The following ZNF521 variants were observed in gnomAD, a reference collection of about 807,000 sequenced individuals.
ZNF521 encodes the protein LYST-interacting protein 3.
In ZNF521, 14 loss-of-function variants were observed where a neutral mutation model predicts 105.5. The observed-to-expected ratio is 0.13, with a 90% CI of 0.09 to 0.21. The LOEUF (loss-of-function observed/expected upper bound fraction) is 0.21. ZNF521 is among the 10% of genes least tolerant of loss of function. The probability of loss-of-function intolerance (pLI) is 1.00; values close to 1 mark genes in which losing one functional copy is unlikely to be tolerated. For missense variants in ZNF521, 1,233 were observed against 1,629.7 expected (o/e 0.76, Z 4.19); for synonymous variants, 635 against 606.0 (o/e 1.05, Z -0.70).
At chr18:25,188,573 A>T (rs1354943984) in intron 5 of ZNF521, among the ~76,000 whole-genome samples, 2 of 152,200 alleles carry the variant, frequency 1.3e-5, no homozygotes, top group Admixed American at 1.3e-4. Context: ...TGCAAGCTTC[A>T]TTCAGAAACA....
chr18:25,147,019 G>A (rs1032707120), intron 5 of ZNF521, among the ~76,000 whole-genome samples: 5 of 152,010 alleles, frequency 3.3e-5, no homozygotes, highest in Non-Finnish European at 2.9e-5. Flanking sequence ...CACGACCACA[G>A]GGTTTTCTGC....
chr18:25,295,615 T>TA (rs201437743), intron 3 of ZNF521, among the ~76,000 whole-genome samples: 59,842 of 139,990 alleles, frequency 0.43, 12,265 homozygotes, highest in South Asian at 0.57. Flanking sequence ...CCCAAAAAAG[T>TA]AAAAAAAAAA....
At chr18:25,145,717 T>C (rs1211986746) in intron 5 of ZNF521, among the ~76,000 whole-genome samples, 2 of 152,190 alleles carry the variant, frequency 1.3e-5, no homozygotes, top group Admixed American at 1.3e-4. Context: ...CAAGACTAAA[T>C]ACTTTCTTAC....
chr18:25,351,132 C>A (rs1417072334), intron 1 of ZNF521, 185 bp from the exon 2 acceptor site: 3 of 175,722 alleles, frequency 1.7e-5, no homozygotes, highest in South Asian at 3.3e-4. Flanking sequence ...CGCGGCTGCC[C>A]GAGCTCCGCG....
intron 5 of ZNF521, among the ~76,000 whole-genome samples, chr18:25,164,256 G>A (rs2035299159): frequency 6.6e-6 from 1 of 152,140 alleles, no homozygotes; most frequent in Non-Finnish European, 1.5e-5. Flanking sequence ...CCCCGGAGTG[G>A]GTTAACTTGC....
intron 2 of ZNF521, among the ~76,000 whole-genome samples, chr18:25,330,019 C>A (rs960204071): frequency 6.6e-6 from 1 of 152,022 alleles, no homozygotes. Flanking sequence ...CTTGGTGGAG[C>A]CATTCCTAGA....
At chr18:25,165,418 C>T (rs772302863) in intron 5 of ZNF521, among the ~76,000 whole-genome samples, 16 of 152,324 alleles carry the variant, frequency 1.1e-4, no homozygotes, top group South Asian at 4.1e-4. Context: ...ACACTGTTTG[C>T]GCTGTTGGAA....
At chr18:25,256,130 G>T (rs1280991465) in intron 3 of ZNF521, among the ~76,000 whole-genome samples, 1 of 151,354 alleles carries the variant, frequency 6.6e-6, no homozygotes, top group Non-Finnish European at 1.5e-5. Flanking sequence ...AACCTTGCAG[G>T]CATTAAGCTA....
intron 6 of ZNF521, among the ~76,000 whole-genome samples, chr18:25,090,318 A>C (rs2033716248): frequency 6.6e-6 from 1 of 152,150 alleles, no homozygotes; most frequent in Admixed American, 6.5e-5. Flanking sequence ...CTACAATATT[A>C]ATCTGTATAG....
At chr18:25,319,574 C>A (rs1447517758) in intron 3 of ZNF521, among the ~76,000 whole-genome samples, 1 of 143,884 alleles carries the variant, frequency 7.0e-6, no homozygotes, top group African/African-American at 2.6e-5. Context: ...CCAGCCTGGG[C>A]AACAGAGCAA....
intron 3 of ZNF521, among the ~76,000 whole-genome samples, chr18:25,320,239 C>A (rs1451076092): frequency 6.6e-6 from 1 of 152,122 alleles, no homozygotes; most frequent in Non-Finnish European, 1.5e-5. Context: ...ATGGCGTGAT[C>A]TCAGCTCACT....
intron 7 of ZNF521, among the ~76,000 whole-genome samples, chr18:25,074,916 C>G (rs1234069328): frequency 6.6e-6 from 1 of 152,104 alleles, no homozygotes; most frequent in Admixed American, 6.5e-5. Flanking sequence ...TAATCTATAA[C>G]CCTCACATCC....
At chr18:25,327,224 C>G (rs944512737) in intron 2 of ZNF521, among the ~76,000 whole-genome samples, 1 of 152,152 alleles carries the variant, frequency 6.6e-6, no homozygotes, top group African/African-American at 2.4e-5. Context: ...GGCATTATAA[C>G]CCATGTCACA....
chr18:25,209,541 C>T (rs1358236658), intron 4 of ZNF521, among the ~76,000 whole-genome samples: 8 of 152,170 alleles, frequency 5.3e-5, no homozygotes, highest in Non-Finnish European at 7.3e-5. Flanking sequence ...AGGGCATCGT[C>T]GGTGGATTTT....
intron 5 of ZNF521, among the ~76,000 whole-genome samples, chr18:25,098,422 A>C (rs986798475): frequency 6.6e-6 from 1 of 152,132 alleles, no homozygotes; most frequent in Non-Finnish European, 1.5e-5. Context: ...ATAGCTTTAA[A>C]GGTAAAACTT....
chr18:25,255,513 C>T (rs924106178), intron 3 of ZNF521, among the ~76,000 whole-genome samples: 5 of 152,006 alleles, frequency 3.3e-5, no homozygotes, highest in African/African-American at 7.2e-5. Context: ...TCTATATATT[C>T]TTTCCCTATT....
intron 3 of ZNF521, among the ~76,000 whole-genome samples, chr18:25,270,153 A>T (rs1909554202): frequency 6.6e-6 from 1 of 152,208 alleles, no homozygotes; most frequent in South Asian, 2.1e-4. Flanking sequence ...TACTATAAAC[A>T]TCTCTATGCA....
chr18:25,134,644 G>C (rs112930514), intron 5 of ZNF521, among the ~76,000 whole-genome samples: 1 of 151,994 alleles, frequency 6.6e-6, no homozygotes, highest in Non-Finnish European at 1.5e-5. Context: ...TTATTGCAGC[G>C]GTTGCAGCTT....
intron 3 of ZNF521, among the ~76,000 whole-genome samples, chr18:25,317,372 G>C (rs558933668): frequency 6.6e-6 from 1 of 152,032 alleles, no homozygotes; most frequent in African/African-American, 2.4e-5. Context: ...CTTTTGCTTC[G>C]ATTCAATTTT....
Sources: gnomAD v4.1 joint callset for allele counts (sites outside exome capture counted in the v4.1 genomes callset) on GRCh38, gnomAD v4.1.1 for gene constraint, MANE v1.5 for transcripts, NCBI Gene and HGNC (gene_info 2026-07-23, HGNC 2026-07-21) for gene names.